The following CHD6 variants were observed in gnomAD, a reference collection of about 807,000 sequenced individuals.
CHD6 encodes chromodomain helicase DNA binding protein 6.
In CHD6, 50 loss-of-function variants were observed where a neutral mutation model predicts 276.9. That is an observed-to-expected ratio of 0.18 (90% CI 0.14 to 0.23). CHD6 has a LOEUF of 0.23. Ranked by LOEUF, CHD6 falls within the 10% of genes least tolerant of loss-of-function variation. CHD6 has a pLI of 1.00. For missense variants in CHD6, 2,564 were observed against 3,365.8 expected (o/e 0.76, Z 5.89); for synonymous variants, 1,173 against 1,229.3 (o/e 0.95, Z 0.96).
rs756776455 is a variant in CHD6 at position 41,451,790 on chromosome 20, A to G, written c.3523+36T>C. On this transcript the variant is annotated intron_variant, in intron 22 of 36. Coordinates refer to ENST00000373233, the MANE Select transcript of CHD6 (RefSeq NM_032221.5). Reference sequence around the variant, plus strand: ...GGAAGAGGGGATGAAGTGCATGGGAATCGTGCTTCTTAGGCATGGCCCTGC... The same window carrying G: ...GGAAGAGGGGATGAAGTGCATGGGAGTCGTGCTTCTTAGGCATGGCCCTGC... The G allele has an allele frequency of 2.5e-6, 4 of 1,581,898 alleles. No homozygotes were observed. In the East Asian group the frequency reaches 8.9e-5, roughly 35 times the overall value.
intron 3 of CHD6, among the ~76,000 whole-genome samples, chr20:41,525,854 T>A (rs1292185426): frequency 2.0e-5 from 3 of 152,226 alleles, no homozygotes; most frequent in African/African-American, 7.2e-5. Flanking sequence ...ATCAGGTTTT[T>A]CATTTGTTTA....
chr20:41,547,670 A>G, intron 2 of CHD6: 1 of 728,872 alleles, frequency 1.4e-6, no homozygotes, highest in Non-Finnish European at 2.3e-6. Flanking sequence ...TAATCATCAA[A>G]GCCCTCAAGG....
At chr20:41,441,875 C>T (rs563319437) in intron 25 of CHD6, among the ~76,000 whole-genome samples, 12 of 152,294 alleles carry the variant, frequency 7.9e-5, no homozygotes, top group African/African-American at 2.9e-4. Context: ...CTATAAGCTG[C>T]TCTCTAAGAA....
chr20:41,492,581 C>A (rs2043581436), intron 10 of CHD6, among the ~76,000 whole-genome samples: 1 of 152,170 alleles, frequency 6.6e-6, no homozygotes, highest in South Asian at 2.1e-4. Flanking sequence ...CAGCCTATAG[C>A]CATATTCTTT....
rs528984369 is a variant in CHD6 at position 41,492,437 on chromosome 20, C to T, written c.1315-618G>A. On this transcript the variant is annotated intron_variant, in intron 10 of 36. Coordinates refer to ENST00000373233, the MANE Select transcript of CHD6 (RefSeq NM_032221.5). ...AACACTGCTCTTGAATGGACTCCTA[C>T]AGGGACCTAAGTTTAATGTTCCGAG... Among the ~76,000 whole-genome samples, 123 of 152,300 alleles carry T rather than the reference C, an allele frequency of 8.1e-4. 1 individual carries two copies. The highest frequency in any genetic ancestry group is 2.7e-3 in the African/African-American group (113 of 41,570).
At chr20:41,468,411 C>G (rs2042979248) in intron 17 of CHD6, among the ~76,000 whole-genome samples, 1 of 152,046 alleles carries the variant, frequency 6.6e-6, no homozygotes, top group South Asian at 2.1e-4. Flanking sequence ...CGCCCAGCCC[C>G]AACTTCCATC....
Position 41,514,838 on chromosome 20 carries a change from A to G in CHD6, c.669T>C (p.Ser223=). The G allele has an allele frequency of 6.2e-7, 1 of 1,613,786 alleles. No individual in the cohort carries two copies. The highest frequency in any genetic ancestry group is 8.5e-7 in the Non-Finnish European group (1 of 1,179,918). Residue 223 remains serine, a synonymous_variant, in exon 4 of 37, where the codon AGT becomes AGC. Transcript: ENST00000373233. The part of the protein sequence containing the change: ...DQGLTNPSLR[S]PEESTESTDS... ...CTGTAGACTCAGTGGACTCCTCAGGACTCCGCAGAGATGGGTTCGTCAGGC... is the reference window on the plus strand; with the variant it reads ...CTGTAGACTCAGTGGACTCCTCAGGGCTCCGCAGAGATGGGTTCGTCAGGC...
At chr20:41,565,384 G>A (rs1024581282) in intron 1 of CHD6, among the ~76,000 whole-genome samples, 1 of 152,154 alleles carries the variant, frequency 6.6e-6, no homozygotes, top group Non-Finnish European at 1.5e-5. Flanking sequence ...GTGAGCCACC[G>A]CGCCCAGCTG....
intron 4 of CHD6, among the ~76,000 whole-genome samples, chr20:41,514,304 C>G (rs1419632750): frequency 6.6e-6 from 1 of 152,194 alleles, no homozygotes; most frequent in Non-Finnish European, 1.5e-5. Context: ...ATCCCTAACA[C>G]TGTCACGGGC....
chr20:41,425,100 T>G, intron 29 of CHD6, 78 bp downstream of exon 29: 1 of 1,142,176 alleles, frequency 8.8e-7, no homozygotes, highest in Non-Finnish European at 1.3e-6. Context: ...ATACTCGCCC[T>G]CCAAGCTACC....
rs6102409 is a variant in CHD6 at position 41,413,486 on chromosome 20, G to A, written c.6969C>T (p.Thr2323=). Residue 2323 remains threonine (T), a synonymous_variant, in exon 35 of 37, where the codon ACC becomes ACT. Transcript: ENST00000373233. ...GCCCCTCAGGGTGTGTGGTGCTCAA[G>A]GTGGCCTGCCCTGGGTCTTCATGGA... ...LEVHEDPGQA[T]LSTTHPEGPG... The A allele has an allele frequency of 6.3e-7, 1 of 1,597,896 alleles. No individual in the cohort carries two copies. The highest frequency in any genetic ancestry group is 1.1e-5 in the South Asian group (1 of 88,942).
chr20:41,617,612 G>A (rs1331891876), intron 1 of CHD6, among the ~76,000 whole-genome samples: 3 of 152,206 alleles, frequency 2.0e-5, no homozygotes, highest in African/African-American at 2.4e-5. Flanking sequence ...CCTTGAAGAG[G>A]ACAGATAGAT....
Position 41,497,416 on chromosome 20 carries a change from T to C in CHD6, c.1060A>G (p.Lys354Glu). 6.2e-7 allele frequency: 1 copy of C among 1,613,768 alleles called. No homozygotes were observed. The highest frequency in any genetic ancestry group is 8.5e-7 in the Non-Finnish European group (1 of 1,179,706). Residue 354 changes from lysine (K) to glutamate (E), a missense_variant, in exon 8 of 37, where the codon AAA becomes GAA. Lys to Glu is a moderately conservative substitution (Grantham distance 56). Coordinates refer to ENST00000373233, the MANE Select transcript of CHD6 (RefSeq NM_032221.5). ...IAQKIKRFRN[K>E]QAQMKHIFTE... ...AAAATGTGCTTCATCTGGGCTTGTT[T>C]ATTCCTAAATCGCTTGATCTTCTGT...
intron 27 of CHD6, among the ~76,000 whole-genome samples, chr20:41,429,825 C>T (rs544840724): frequency 6.6e-6 from 1 of 152,178 alleles, no homozygotes; most frequent in Non-Finnish European, 1.5e-5. Context: ...TGAACTCCCC[C>T]CTGACAGCCC....
chr20:41,424,906 C>T (rs1187555852), intron 29 of CHD6, among the ~76,000 whole-genome samples: 1 of 152,230 alleles, frequency 6.6e-6, no homozygotes, highest in Admixed American at 6.5e-5. Context: ...TTCTAAACCA[C>T]ATCCCCAGAG....
intron 1 of CHD6, among the ~76,000 whole-genome samples, chr20:41,590,871 A>G (rs898586815): frequency 1.3e-5 from 2 of 151,626 alleles, no homozygotes; most frequent in Non-Finnish European, 2.9e-5. Context: ...TATATACCCA[A>G]AGGATTATAA....
rs754614532 is a variant in CHD6, at chr20:41,533,033, G to C, written c.554+17C>G. 6.4e-7 allele frequency: 1 copy of C among 1,563,618 alleles called. No homozygotes were observed. The highest frequency in any genetic ancestry group is 2.0e-5 in the Admixed American group (1 of 48,980). On this transcript the variant is annotated intron_variant, in intron 3 of 36. Coordinates refer to ENST00000373233, the MANE Select transcript of CHD6 (RefSeq NM_032221.5). Reference sequence around the variant, plus strand: ...CTGGCATAGGCAAGTGCTCAGAGAAGGGAGAAAGGAACGTACCTGGCCTTC... The same window carrying C: ...CTGGCATAGGCAAGTGCTCAGAGAACGGAGAAAGGAACGTACCTGGCCTTC...
chr20:41,610,655 G>C (rs182596237), intron 1 of CHD6, among the ~76,000 whole-genome samples: 1 of 152,108 alleles, frequency 6.6e-6, no homozygotes, highest in Non-Finnish European at 1.5e-5. Context: ...CAGCTACTCC[G>C]GAGGCTGAGG....
Position 41,417,349 on chromosome 20 carries a change from T to C in CHD6, c.6128A>G (p.Asp2043Gly). 1.2e-6 allele frequency: 2 copies of C among 1,610,768 alleles called. No individual in the cohort carries two copies. The highest frequency in any genetic ancestry group is 1.7e-6 in the Non-Finnish European group (2 of 1,179,158). ...CTCTTCAGAGTACTTCCCTGGATAA[T>C]CTGGGAAGAGGTTAAAAAATTAATC... ...YDRDGNCHSQ[D>G]YPGKYSEEES... Residue 2043 changes from aspartate (D) to glycine (G), a missense_variant and splice_region_variant, in exon 32 of 37, where the codon GAT becomes GGT. By Grantham distance (94) the Asp-to-Gly change is moderately conservative. Transcript: ENST00000373233.
Sources: gnomAD v4.1 joint callset for allele counts (sites outside exome capture counted in the v4.1 genomes callset) on GRCh38, gnomAD v4.1.1 for gene constraint, MANE v1.5 for transcripts, NCBI Gene and HGNC (gene_info 2026-07-23, HGNC 2026-07-21) for gene names.